SFT2D2: variants seen among roughly 807,000 people sequenced by gnomAD.
SFT2D2 encodes the protein vesicle transport protein SFT2B.
Under a neutral mutation model 27.4 loss-of-function variants are expected in SFT2D2, and 21 were observed. The ratio of observed to expected loss-of-function variants is 0.77; its 90% CI spans 0.54 to 1.10. The LOEUF is 1.10. Among genes scored for constraint, SFT2D2 ranks in the 50% least tolerant of loss-of-function variants. The probability of loss-of-function intolerance (pLI) is 0.00; values close to 1 mark genes in which losing one functional copy is unlikely to be tolerated. For synonymous variants in SFT2D2, 72 were observed against 71.7 expected (o/e 1.00, Z -0.02); for missense variants, 187 against 194.2 (o/e 0.96, Z 0.22).
At position 168,231,856 on chromosome 1, in the gene SFT2D2, C is replaced by G; in HGVS notation, c.173C>G (p.Pro58Arg). 2 of 1,613,980 alleles carry G rather than the reference C, an allele frequency of 1.2e-6. No individual in the cohort carries two copies. The highest frequency in any genetic ancestry group is 1.7e-6 in the Non-Finnish European group (2 of 1,179,994). Residue 58 changes from proline to arginine, a missense_variant, in exon 3 of 8, where the codon CCC becomes CGC. Pro to Arg is a moderately radical substitution (Grantham distance 103, BLOSUM62 -2). Coordinates refer to ENST00000271375, the MANE Select transcript of SFT2D2 (RefSeq NM_199344.3). ...CAGGGTACTGTTCTGCTGTGGGTGCCCAGGAAGGGACTACACCTCTTCGCA... is the reference window on the plus strand; with the variant it reads ...CAGGGTACTGTTCTGCTGTGGGTGCGCAGGAAGGGACTACACCTCTTCGCA... ...SLLGTVLLWV[P>R]RKGLHLFAVF...
In SFT2D2 at chr1:168,241,620, T is replaced by C. The variant is rs543144668; in HGVS notation, c.444-881T>C. 1.4e-4 allele frequency among the ~76,000 whole-genome samples: 21 copies of C among 152,264 alleles called. No homozygotes were observed. The South Asian group carries it at 3.1e-3, about 23-fold the overall frequency. Reference sequence around the variant, plus strand: ...GAGAAACAGGTTAAGCAAAATTAGGTAGGTTCCTCTTTGCCTGGCTTGCTA... The same window carrying C: ...GAGAAACAGGTTAAGCAAAATTAGGCAGGTTCCTCTTTGCCTGGCTTGCTA... On this transcript the variant is annotated intron_variant, in intron 7 of 7. Transcript: ENST00000271375.
intron 7 of SFT2D2, among the ~76,000 whole-genome samples, chr1:168,240,948 A>C (rs946575163): frequency 6.6e-6 from 1 of 152,174 alleles, no homozygotes; most frequent in Admixed American, 6.5e-5. Context: ...TGGCAACATC[A>C]AATCAAGGCA....
Position 168,242,757 on chromosome 1 carries a change from A to G in SFT2D2, c.*217A>G, listed in dbSNP as rs1647682841. 1.7e-6 allele frequency: 1 copy of G among 576,906 alleles called. No individual in the cohort carries two copies. The highest frequency in any genetic ancestry group is 2.0e-5 in the South Asian group (1 of 50,338). 35.7% of individuals were successfully genotyped at this position (576,906 alleles called of 1,614,324 possible). A position where few individuals can be genotyped will look rare whatever the true frequency, so the allele number is the denominator to read the frequency against. ...GCACAGGATGAGAAGTGGGTTCTGT[A>G]TCTTGTGGAGTGGAATCTTCCTCAT... is the stretch of plus-strand genomic sequence containing the variant. On this transcript the variant is annotated 3_prime_UTR_variant, in exon 8 of 8. Coordinates refer to ENST00000271375, the MANE Select transcript of SFT2D2 (RefSeq NM_199344.3).
At chr1:168,232,412 T>C (rs1232537365) in intron 3 of SFT2D2, among the ~76,000 whole-genome samples, 5 of 152,204 alleles carry the variant, frequency 3.3e-5, no homozygotes, top group African/African-American at 9.6e-5. Flanking sequence ...ATTTTCCAGG[T>C]CAAGCTCATT....
chr1:168,246,343 G>T lies in SFT2D2; in HGVS notation c.*3803G>T, dbSNP rs760393267. On this transcript the variant is annotated 3_prime_UTR_variant, in exon 8 of 8. Transcript: ENST00000271375. ...TGTTGAAGCAACATATTTTGTCTTC[G>T]TAGTTGACATAATCTTACTTGCTTT... The T allele has an allele frequency of 5.1e-5, 24 of 467,588 alleles. No homozygotes were observed. The highest frequency in any genetic ancestry group is 8.8e-5 in the Non-Finnish European group (23 of 261,540). The allele number at this position is 467,588 out of a possible 1,614,324, so 29.0% of individuals were successfully genotyped here.
At position 168,226,032 on chromosome 1, in the gene SFT2D2, G is replaced by A. The variant is rs1367905564; in HGVS notation, c.-48G>A. The A allele has an allele frequency of 4.8e-6, 7 of 1,463,660 alleles. No homozygotes were observed. Among genetic ancestry groups the A allele is most frequent in the African/African-American group, 1.5e-5 (1 of 68,230 alleles). 90.7% of individuals were successfully genotyped at this position (1,463,660 alleles called of 1,614,324 possible). A position where few individuals can be genotyped will look rare whatever the true frequency, so the allele number is the denominator to read the frequency against. The stretch of plus-strand genomic sequence containing the variant: ...CGGAAGAGCCGTCAACTTAGCGAGC[G>A]CAACAGGCTGCCGCTGAGGAGCTGG... On this transcript the variant is annotated 5_prime_UTR_variant, in exon 1 of 8. Transcript: ENST00000271375.
At chr1:168,238,885 T>C (rs902684367) in intron 6 of SFT2D2, among the ~76,000 whole-genome samples, 1 of 152,222 alleles carries the variant, frequency 6.6e-6, no homozygotes, top group Non-Finnish European at 1.5e-5. Context: ...ACGGGTTATC[T>C]CCACATGAAC....
In SFT2D2 at chr1:168,249,664, G is replaced by C. The variant is rs907273515; in HGVS notation, c.*7124G>C. 3.3e-5 allele frequency: 5 copies of C among 152,640 alleles called. No individual in the cohort carries two copies. The highest frequency in any genetic ancestry group is 5.9e-5 in the Non-Finnish European group (4 of 68,032). 9.5% of individuals were successfully genotyped at this position (152,640 alleles called of 1,614,324 possible). A position where few individuals can be genotyped will look rare whatever the true frequency, so the allele number is the denominator to read the frequency against. Reference sequence around the variant, plus strand: ...AGTCAGATGCATCTGGCTGTGAGCTGTGACTAGTCATATACTAGTTGTGTC... The same window carrying C: ...AGTCAGATGCATCTGGCTGTGAGCTCTGACTAGTCATATACTAGTTGTGTC... On this transcript the variant is annotated 3_prime_UTR_variant, in exon 8 of 8. Coordinates refer to ENST00000271375, the MANE Select transcript of SFT2D2 (RefSeq NM_199344.3).
chr1:168,231,246 G>A (rs553635991), intron 1 of SFT2D2, among the ~76,000 whole-genome samples: 2 of 152,298 alleles, frequency 1.3e-5, no homozygotes, highest in East Asian at 3.9e-4. Flanking sequence ...TTCTTGAAAT[G>A]GGTTGTGCTT....
intron 3 of SFT2D2, among the ~76,000 whole-genome samples, chr1:168,232,589 T>TC (rs1558175713): frequency 6.6e-6 from 1 of 151,976 alleles, no homozygotes. Flanking sequence ...GTCCTGGGGG[T>TC]CCAAGTCTCC....
In SFT2D2 at chr1:168,247,039, T is replaced by C. The variant is rs1647835626; in HGVS notation, c.*4499T>C. On this transcript the variant is annotated 3_prime_UTR_variant, in exon 8 of 8. Transcript: ENST00000271375. ...GAAATCTCAAACTGCAGAGTTCTTG[T>C]TCCCATTCAAGTTTTTGATATTCTG... 1 of 452,548 alleles carries C rather than the reference T, an allele frequency of 2.2e-6. No homozygotes were observed. Among genetic ancestry groups the C allele is most frequent in the Non-Finnish European group, 4.3e-6 (1 of 230,642 alleles). The allele number at this position is 452,548 out of a possible 1,614,324, so 28.0% of individuals were successfully genotyped here. A position where few individuals can be genotyped will look rare whatever the true frequency, so the allele number is the denominator to read the frequency against.
chr1:168,231,967 A>G, intron 3 of SFT2D2, 48 bp downstream of exon 3: 2 of 1,541,014 alleles, frequency 1.3e-6, no homozygotes, highest in South Asian at 2.2e-5. Context: ...TAGATGGGAA[A>G]ATGGATGTTG....
rs1453604256 is a variant in SFT2D2, at chr1:168,248,191, A to G, written c.*5651A>G. 1 of 152,152 alleles carries G rather than the reference A, an allele frequency of 6.6e-6. No homozygotes were observed. Among genetic ancestry groups the G allele is most frequent in the Non-Finnish European group, 1.5e-5 (1 of 68,056 alleles). The allele number at this position is 152,152 out of a possible 1,614,324, so 9.4% of individuals were successfully genotyped here. On this transcript the variant is annotated 3_prime_UTR_variant, in exon 8 of 8. Transcript: ENST00000271375. ...GGTTTAATTAGATCTCATTTTGTCTATTTTGGCTTTTGTTGCCATTGCTTT... is the reference window on the plus strand; with the variant it reads ...GGTTTAATTAGATCTCATTTTGTCTGTTTTGGCTTTTGTTGCCATTGCTTT...
rs889416309 is a variant in SFT2D2 at position 168,242,707 on chromosome 1, A to G, written c.*167A>G. 3.0e-5 allele frequency: 23 copies of G among 758,104 alleles called. No homozygotes were observed. The highest frequency in any genetic ancestry group is 1.3e-4 in the East Asian group (5 of 37,788). The allele number at this position is 758,104 out of a possible 1,614,324, so 47.0% of individuals were successfully genotyped here. ...GAGGGTTACTTTTGGAAGCAACAATACATTCTCGAACCTGAATGTCAGTAG... is the reference window on the plus strand; with the variant it reads ...GAGGGTTACTTTTGGAAGCAACAATGCATTCTCGAACCTGAATGTCAGTAG... On this transcript the variant is annotated 3_prime_UTR_variant, in exon 8 of 8. Coordinates refer to ENST00000271375, the MANE Select transcript of SFT2D2 (RefSeq NM_199344.3).
chr1:168,242,664 C>A lies in SFT2D2; in HGVS notation c.*124C>A. 1 of 1,183,650 alleles carries A rather than the reference C, an allele frequency of 8.4e-7. No individual in the cohort carries two copies. The highest frequency in any genetic ancestry group is 1.3e-6 in the Non-Finnish European group (1 of 794,200). 73.3% of individuals were successfully genotyped at this position (1,183,650 alleles called of 1,614,324 possible). A position where few individuals can be genotyped will look rare whatever the true frequency, so the allele number is the denominator to read the frequency against. ...CCTTTTATCTTGCAGCAATGTGTTG[C>A]TTGTGATTCGAACATTTGAGGGTTA... On this transcript the variant is annotated 3_prime_UTR_variant, in exon 8 of 8. Coordinates refer to ENST00000271375, the MANE Select transcript of SFT2D2 (RefSeq NM_199344.3).
Position 168,226,007 on chromosome 1 carries a change from C to G in SFT2D2, c.-73C>G, listed in dbSNP as rs1700453483. On this transcript the variant is annotated 5_prime_UTR_variant, in exon 1 of 8. Coordinates refer to ENST00000271375, the MANE Select transcript of SFT2D2 (RefSeq NM_199344.3). The stretch of plus-strand genomic sequence containing the variant: ...GGCGGCTGGGCGGCTGCCTAGCACC[C>G]GGAAGAGCCGTCAACTTAGCGAGCG... 7.2e-7 allele frequency: 1 copy of G among 1,385,868 alleles called. No homozygotes were observed. The highest frequency in any genetic ancestry group is 9.5e-7 in the Non-Finnish European group (1 of 1,048,230). The allele number at this position is 1,385,868 out of a possible 1,614,324, so 85.8% of individuals were successfully genotyped here. A position where few individuals can be genotyped will look rare whatever the true frequency, so the allele number is the denominator to read the frequency against.
In SFT2D2 at chr1:168,236,023, A is replaced by G. The variant is rs139399812; in HGVS notation, c.319-566A>G. On this transcript the variant is annotated intron_variant, in intron 4 of 7. Transcript: ENST00000271375. ...AGTTATTGTTATAGAAGGATGGCGA[A>G]GAAAGGCATGGCTGACTGCTCTAGC... 6.3e-3 allele frequency among the ~76,000 whole-genome samples: 962 copies of G among 152,344 alleles called. 7 individuals carry two copies. The highest frequency in any genetic ancestry group is 0.021 in the African/African-American group (861 of 41,580).
intron 7 of SFT2D2, among the ~76,000 whole-genome samples, chr1:168,240,791 A>G (rs1647624782): frequency 6.6e-6 from 1 of 152,046 alleles, no homozygotes; most frequent in Non-Finnish European, 1.5e-5. Flanking sequence ...GTGCACCTGT[A>G]ATCCCAGCTA....
chr1:168,227,573 T>A (rs1218776043), intron 1 of SFT2D2, among the ~76,000 whole-genome samples: 1 of 152,228 alleles, frequency 6.6e-6, no homozygotes, highest in Non-Finnish European at 1.5e-5. Context: ...GTTGGTGGGT[T>A]CTTTTTAATT....
Sources: gnomAD v4.1 joint callset for allele counts (sites outside exome capture counted in the v4.1 genomes callset) on GRCh38, gnomAD v4.1.1 for gene constraint, MANE v1.5 for transcripts, NCBI Gene and HGNC (gene_info 2026-07-23, HGNC 2026-07-21) for gene names.